Variants in PLXDC1 observed in about 807,000 individuals in gnomAD.
The protein encoded by PLXDC1 is plexin domain-containing protein 1.
Under a neutral mutation model 61.3 loss-of-function variants are expected in PLXDC1, and 39 were observed. That is an observed-to-expected ratio of 0.64 (90% confidence interval 0.49 to 0.83). PLXDC1 has a LOEUF of 0.83. Among genes scored for constraint, PLXDC1 ranks in the 40% least tolerant of loss-of-function variants. The pLI is 0.00. For missense variants in PLXDC1, 596 were observed against 666.5 expected, an observed-to-expected ratio of 0.89 and a Z score of 1.17; for synonymous variants, 212 against 254.5, an observed-to-expected ratio of 0.83 and a Z score of 1.59.
intron 11 of PLXDC1, among the ~76,000 whole-genome samples, chr17:39,072,887 G>A (rs574312364): frequency 1.3e-5 from 2 of 152,280 alleles, no homozygotes; most frequent in Middle Eastern, 3.4e-3. Context: ...TCTATACCTC[G>A]AGGCCTGTAG....
chr17:39,093,029 A>T (rs1054245175), intron 7 of PLXDC1, among the ~76,000 whole-genome samples: 1 of 152,176 alleles, frequency 6.6e-6, no homozygotes, highest in Non-Finnish European at 1.5e-5. Context: ...TGTGTTTCTA[A>T]AAGAGTCAAA....
rs1908806782 is a variant in PLXDC1 at position 39,064,094 on chromosome 17, T to C, written c.*3746A>G. ...AAATACCTGTGTGTGCATATCTTAT[T>C]GCTCAAAACATTAAACAAGGCTGTA... On this transcript the variant is annotated 3_prime_UTR_variant, in exon 14 of 14. Coordinates refer to ENST00000315392, the MANE Select transcript of PLXDC1 (RefSeq NM_020405.5). 2 of 154,252 alleles carry C rather than the reference T, an allele frequency of 1.3e-5. No individual in the cohort carries two copies. The highest frequency in any genetic ancestry group is 2.9e-5 in the Non-Finnish European group (2 of 69,298). The allele number at this position is 154,252 out of a possible 1,614,324, so 9.6% of individuals were successfully genotyped here.
chr17:39,115,002 C>A (rs1910922694), intron 2 of PLXDC1, among the ~76,000 whole-genome samples: 1 of 152,210 alleles, frequency 6.6e-6, no homozygotes, highest in African/African-American at 2.4e-5. Context: ...GACTGCAAAG[C>A]GTGAGCTTCC....
At chr17:39,072,200 A>G (rs968462702) in intron 12 of PLXDC1, 2 of 546,216 alleles carry the variant, frequency 3.7e-6, no homozygotes, top group Non-Finnish European at 6.6e-6. Context: ...ACAGAGAGCC[A>G]GGAGAAGAAC....
chr17:39,152,737 G>A (rs1204451063), upstream of PLXDC1: 16 of 1,191,740 alleles, frequency 1.3e-5, no homozygotes, highest in Admixed American at 4.7e-4. Context: ...GTACACTGTG[G>A]GCTGGAAGAG....
intron 2 of PLXDC1, among the ~76,000 whole-genome samples, chr17:39,111,289 C>T (rs1347554926): frequency 2.6e-5 from 4 of 151,530 alleles, no homozygotes; most frequent in Non-Finnish European, 5.9e-5. Flanking sequence ...TAAACTCTGC[C>T]TTCTTTTATT....
rs759512676 is a variant in PLXDC1, at chr17:39,108,120, C to G, written c.592+3G>C. On this transcript the variant is annotated splice_donor_region_variant and intron_variant, in intron 5 of 13. Coordinates refer to ENST00000315392, the MANE Select transcript of PLXDC1 (RefSeq NM_020405.5). ...TGACTTAAATTCTGAGATCCAGTCT[C>G]ACCATTGTCAAAGTAAACAACTGTG... 8 of 1,614,066 alleles carry G rather than the reference C, an allele frequency of 5.0e-6. No homozygotes were observed. In the African/African-American group the frequency reaches 1.1e-4, roughly 22 times the overall value.
chr17:39,142,963 C>T lies in PLXDC1; in HGVS notation c.77-3131G>A, dbSNP rs1037355595. Among the ~76,000 whole-genome samples, 10 of 152,208 alleles carry T rather than the reference C, an allele frequency of 6.6e-5. No homozygotes were observed. The South Asian group carries it at 1.9e-3, about 28-fold the overall frequency. ...GACCAGCCTGGCCAACATGACGAAA[C>T]CCCGTCTCTACTAAAAATACAAAAA... On this transcript the variant is annotated intron_variant, in intron 1 of 13. Transcript: ENST00000315392.
intron 1 of PLXDC1, among the ~76,000 whole-genome samples, chr17:39,149,297 G>C (rs1427222066): frequency 6.6e-6 from 1 of 152,116 alleles, no homozygotes; most frequent in East Asian, 1.9e-4. Context: ...TTCAGGTCCT[G>C]CTCCCAGCTG....
At chr17:39,099,591 G>A (rs1222355811) in intron 7 of PLXDC1, among the ~76,000 whole-genome samples, 3 of 152,124 alleles carry the variant, frequency 2.0e-5, no homozygotes, top group African/African-American at 7.2e-5. Context: ...TCCCCTGGGT[G>A]GAATGGGAGT....
intron 11 of PLXDC1, among the ~76,000 whole-genome samples, chr17:39,075,445 A>AAG (rs766306734): frequency 6.6e-6 from 1 of 152,150 alleles, no homozygotes; most frequent in Non-Finnish European, 1.5e-5. Flanking sequence ...TTTCAGCACC[A>AAG]AGAGAGGCAG....
intron 11 of PLXDC1, among the ~76,000 whole-genome samples, chr17:39,075,067 C>T (rs890507138): frequency 8.5e-5 from 13 of 152,182 alleles, no homozygotes; most frequent in African/African-American, 3.1e-4. Flanking sequence ...TTAACCAATC[C>T]TCCCACCTCA....
intron 1 of PLXDC1, among the ~76,000 whole-genome samples, chr17:39,144,121 A>C (rs554930247): frequency 6.6e-5 from 10 of 152,130 alleles, no homozygotes; most frequent in Non-Finnish European, 1.5e-4. Context: ...GGAGGCCTGC[A>C]GCCCGGGGAA....
chr17:39,103,195 A>G (rs1424378411), intron 7 of PLXDC1, among the ~76,000 whole-genome samples: 1 of 150,096 alleles, frequency 6.7e-6, no homozygotes, highest in African/African-American at 2.5e-5. Flanking sequence ...AGCCTGGGCG[A>G]CACAGCGAGA....
chr17:39,072,450 C>G lies in PLXDC1; in HGVS notation c.1222G>C (p.Gly408Arg), dbSNP rs1003783519. The change falls in exon 12 of 14, where the codon GGC (glycine) becomes CGC (arginine). Residue 408 changes from glycine to arginine, a missense_variant and splice_region_variant. Physicochemically the swap from Gly to Arg is moderately radical, Grantham distance 125. Transcript: ENST00000315392. Reference sequence around the variant, plus strand: ...TGAGGGCAGGCAGTTCTGTACTCACCGTCTCCTCCTGCATAGGGATTCAAC... The same window carrying G: ...TGAGGGCAGGCAGTTCTGTACTCACGGTCTCCTCCTGCATAGGGATTCAAC... ...TKLNPYAGGDGLQNNLSPKTK... is the reference protein window; with the variant it reads ...TKLNPYAGGDRLQNNLSPKTK... 1.3e-6 allele frequency: 2 copies of G among 1,552,826 alleles called. No individual in the cohort carries two copies. The highest frequency in any genetic ancestry group is 1.4e-5 in the African/African-American group (1 of 73,678).
chr17:39,143,280 G>A (rs1178903216), intron 1 of PLXDC1, among the ~76,000 whole-genome samples: 1 of 152,086 alleles, frequency 6.6e-6, no homozygotes, highest in Non-Finnish European at 1.5e-5. Context: ...CAGATAGGTG[G>A]ATCTGACATT....
intron 2 of PLXDC1, among the ~76,000 whole-genome samples, chr17:39,132,282 A>G (rs1202724960): frequency 6.6e-6 from 1 of 152,124 alleles, no homozygotes; most frequent in Non-Finnish European, 1.5e-5. Context: ...ATTGTGGCAC[A>G]TCCCAGGGTC....
Position 39,064,020 on chromosome 17 carries a change from A to G in PLXDC1, c.*3820T>C, listed in dbSNP as rs147113400. 5.8e-3 allele frequency: 930 copies of G among 159,240 alleles called. 12 individuals are homozygous for G. The highest frequency in any genetic ancestry group is 0.021 in the African/African-American group (885 of 41,610). 9.9% of individuals were successfully genotyped at this position (159,240 alleles called of 1,614,324 possible). ...GTTTATCTCTCAATTTAACAAACCA[A>G]GCTGAAGCCTGAGCACAGCTACAAC... On this transcript the variant is annotated 3_prime_UTR_variant, in exon 14 of 14. Coordinates refer to ENST00000315392, the MANE Select transcript of PLXDC1 (RefSeq NM_020405.5).
intron 2 of PLXDC1, among the ~76,000 whole-genome samples, chr17:39,135,110 T>C (rs1479084421): frequency 6.6e-6 from 1 of 152,268 alleles, no homozygotes; most frequent in African/African-American, 2.4e-5. Flanking sequence ...CAGATGTCAT[T>C]CCAGCCTGCC....
Sources: gnomAD v4.1 joint callset for allele counts (sites outside exome capture counted in the v4.1 genomes callset) on GRCh38, gnomAD v4.1.1 for gene constraint, MANE v1.5 for transcripts, NCBI Gene and HGNC (gene_info 2026-07-23, HGNC 2026-07-21) for gene names.